The following PABPC4L variants were observed in gnomAD, a reference collection of about 807,000 sequenced individuals.
PABPC4L encodes the protein polyadenylate-binding protein 4-like.
For synonymous variants in PABPC4L, 169 were observed against 164.1 expected (o/e 1.03, Z -0.23); for missense variants, 452 against 451.4 (o/e 1.00, Z -0.01).
chr4:134,127,493 C>T, the PABPC4L span, among the ~76,000 whole-genome samples: 1 of 152,020 alleles, frequency 6.6e-6, no homozygotes, highest in South Asian at 2.1e-4. Context: ...GCAGACACTC[C>T]CCATTACCAG....
chr4:134,188,050 C>A, the PABPC4L span, among the ~76,000 whole-genome samples: 2 of 151,826 alleles, frequency 1.3e-5, no homozygotes, highest in Non-Finnish European at 2.9e-5. Context: ...TTACATAGTT[C>A]TATTTTCTCT....
the PABPC4L span, among the ~76,000 whole-genome samples, chr4:134,184,730 T>A: frequency 6.6e-6 from 1 of 152,024 alleles, no homozygotes; most frequent in African/African-American, 2.4e-5. Flanking sequence ...CTGAATAATA[T>A]GGTAGAAATA....
chr4:134,195,051 A>ATAAATGTC (rs1451766313), downstream of PABPC4L, among the ~76,000 whole-genome samples: 3 of 151,870 alleles, frequency 2.0e-5, no homozygotes, highest in East Asian at 5.8e-4. Flanking sequence ...TCTATACAAT[A>ATAAATGTC]TAAATGTCAT....
rs749737914 is a variant in PABPC4L at position 134,201,182 on chromosome 4, C to A, written c.-163G>T. On this transcript the variant is annotated 5_prime_UTR_variant, in exon 2 of 2. Coordinates refer to ENST00000421491, the MANE Select transcript of PABPC4L (RefSeq NM_001114734.2). ...TCAGACACGACTCCCCCAGCTCAGG[C>A]AACACCCTCATCCAAAAGTCCCCAC... 1 of 1,547,610 alleles carries A rather than the reference C, an allele frequency of 6.5e-7. No individual in the cohort carries two copies.
At chr4:134,009,017 T>C in the PABPC4L span, among the ~76,000 whole-genome samples, 1 of 151,850 alleles carries the variant, frequency 6.6e-6, no homozygotes, top group Non-Finnish European at 1.5e-5. Flanking sequence ...AAAAATGTTA[T>C]CAGAAATTAT....
the PABPC4L span, among the ~76,000 whole-genome samples, chr4:133,972,116 A>T: frequency 1.2e-3 from 188 of 152,294 alleles, no homozygotes; most frequent in African/African-American, 4.4e-3. Flanking sequence ...GAATGCTAAG[A>T]TCTAGGAGTT....
chr4:134,200,207 T>A lies in PABPC4L; in HGVS notation c.813A>T (p.Arg271=). The A allele has an allele frequency of 6.4e-7, 1 of 1,551,692 alleles. No individual in the cohort carries two copies. The highest frequency in any genetic ancestry group is 8.7e-7 in the Non-Finnish European group (1 of 1,146,966). ...CAAACATTTGCTTTAACTCAGCCTG[T>A]CGCTCGACTTTCTTTTGAGCCCGGC... ...FVGRAQKKVE[R]QAELKQMFEQ... is the part of the protein sequence containing the mutation. Residue 271 remains arginine, a synonymous_variant, in exon 2 of 2, where the codon CGA becomes CGT. Transcript: ENST00000421491.
At chr4:133,975,716 A>C in the PABPC4L span, among the ~76,000 whole-genome samples, 1 of 152,144 alleles carries the variant, frequency 6.6e-6, no homozygotes, top group Non-Finnish European at 1.5e-5. Context: ...AAGGAATCCT[A>C]GCTCAGTTCG....
chr4:134,022,033 C>G, the PABPC4L span, among the ~76,000 whole-genome samples: 4 of 152,034 alleles, frequency 2.6e-5, no homozygotes, highest in African/African-American at 9.7e-5. Flanking sequence ...TACACAGGAG[C>G]AGAAATTTTA....
chr4:134,088,786 A>T, the PABPC4L span, among the ~76,000 whole-genome samples: 2 of 152,052 alleles, frequency 1.3e-5, no homozygotes, highest in Non-Finnish European at 2.9e-5. Flanking sequence ...AAATTACCTC[A>T]TTTCAGATAT....
the PABPC4L span, among the ~76,000 whole-genome samples, chr4:134,119,190 A>G: frequency 6.6e-6 from 1 of 151,714 alleles, no homozygotes; most frequent in Admixed American, 6.6e-5. Context: ...CAAGAGGAGA[A>G]CCATGAAATT....
the PABPC4L span, among the ~76,000 whole-genome samples, chr4:134,155,045 T>C: frequency 1.3e-5 from 2 of 152,062 alleles, no homozygotes; most frequent in Non-Finnish European, 2.9e-5. Flanking sequence ...GCTAGTGATG[T>C]CAGTGTAGAA....
the PABPC4L span, among the ~76,000 whole-genome samples, chr4:134,014,937 G>T: frequency 1.3e-5 from 2 of 151,756 alleles, no homozygotes; most frequent in Non-Finnish European, 2.9e-5. Flanking sequence ...CCCTTATTAG[G>T]CTGAGACACT....
chr4:134,093,392 T>C, the PABPC4L span, among the ~76,000 whole-genome samples: 1 of 151,746 alleles, frequency 6.6e-6, no homozygotes, highest in East Asian at 1.9e-4. Flanking sequence ...TTTATTCTGG[T>C]ATGTGCTTTT....
the PABPC4L span, among the ~76,000 whole-genome samples, chr4:134,113,638 G>A: frequency 6.6e-6 from 1 of 151,788 alleles, no homozygotes; most frequent in Non-Finnish European, 1.5e-5. Flanking sequence ...ACACATGATT[G>A]TACTGCCATA....
chr4:134,183,151 C>T, the PABPC4L span, among the ~76,000 whole-genome samples: 1 of 151,920 alleles, frequency 6.6e-6, no homozygotes, highest in South Asian at 2.1e-4. Flanking sequence ...AAGACAATAG[C>T]ATGCAAATGT....
At chr4:134,027,290 G>T in the PABPC4L span, among the ~76,000 whole-genome samples, 1 of 152,110 alleles carries the variant, frequency 6.6e-6, no homozygotes, top group Non-Finnish European at 1.5e-5. Flanking sequence ...TGGCAGGATG[G>T]CAGGATGGGC....
At chr4:134,020,787 G>A in the PABPC4L span, among the ~76,000 whole-genome samples, 1 of 152,056 alleles carries the variant, frequency 6.6e-6, no homozygotes, top group African/African-American at 2.4e-5. Flanking sequence ...TTTAAAGATA[G>A]ATTTTAAAAA....
chr4:134,187,542 G>T, the PABPC4L span, among the ~76,000 whole-genome samples: 1 of 130,810 alleles, frequency 7.6e-6, no homozygotes, highest in Admixed American at 8.0e-5. Context: ...AGGGCCTGTC[G>T]TGGGGTGGGG....
Sources: allele counts gnomAD v4.1 joint callset (sites outside exome capture counted in the v4.1 genomes callset), GRCh38; gene constraint gnomAD v4.1.1; transcripts MANE v1.5; gene names NCBI Gene and HGNC (gene_info 2026-07-23, HGNC 2026-07-21).